KNL1: variants seen among roughly 807,000 people sequenced by gnomAD.
KNL1 encodes kinetochore scaffold 1.
In KNL1, 66 loss-of-function variants were observed where a neutral mutation model predicts 201.3. That is an observed-to-expected ratio of 0.33 (90% CI 0.27 to 0.40). KNL1 has a LOEUF of 0.40. KNL1 is among the 10% of genes least tolerant of loss of function. The pLI is 1.00. For missense variants in KNL1, 2,815 were observed against 2,690.5 expected (o/e 1.05, Z -1.02); for synonymous variants, 895 against 899.2 (o/e 1.00, Z 0.08).
chr15:40,625,730 A>G lies in KNL1; in HGVS notation c.5376+90A>G, dbSNP rs773890908. The G allele has an allele frequency of 3.2e-6, 3 of 937,312 alleles. No individual in the cohort carries two copies. The African/African-American group carries it at 5.0e-5, about 16-fold the overall frequency. The allele number at this position is 937,312 out of a possible 1,614,324, so 58.1% of individuals were successfully genotyped here. A position where few individuals can be genotyped will look rare whatever the true frequency, so the allele number is the denominator to read the frequency against. ...GTGGGTATTCTCAAATTTTAATCTTAGTCTCGGGTAGGCAGAAAATAATTA... is the reference window on the plus strand; with the variant it reads ...GTGGGTATTCTCAAATTTTAATCTTGGTCTCGGGTAGGCAGAAAATAATTA... On this transcript the variant is annotated intron_variant, in intron 10 of 25. Coordinates refer to ENST00000399668, the MANE Select transcript of KNL1 (RefSeq NM_144508.5).
intron 5 of KNL1, among the ~76,000 whole-genome samples, 181 bp from the exon 6 acceptor site, chr15:40,610,064 A>G (rs1234454248): frequency 6.6e-6 from 1 of 152,164 alleles, no homozygotes; most frequent in Non-Finnish European, 1.5e-5. Context: ...ACAAAACTAT[A>G]GCAGATTTTA....
At chr15:40,651,612 G>A in intron 20 of KNL1, 40 bp downstream of exon 20, 1 of 1,401,094 alleles carries the variant, frequency 7.1e-7, no homozygotes, top group Non-Finnish European at 9.9e-7. Context: ...GTTTTATTCT[G>A]TACCTTGTGG....
Position 40,621,180 on chromosome 15 carries a change from T to A in KNL1, c.916T>A (p.Ser306Thr). The A allele has an allele frequency of 6.2e-7, 1 of 1,612,996 alleles. No homozygotes were observed. Among genetic ancestry groups the A allele is most frequent in the Non-Finnish European group, 8.5e-7 (1 of 1,179,348 alleles). ...ATCCAGTGAGACCAACTCACGGGAA[T>A]CTAAAGGTAATGATATTACAATTTA... ...PTSSETNSRE[S>T]KGNDITIYGN... is the part of the protein sequence containing the mutation. Residue 306 changes from serine (S) to threonine (T), a missense_variant, in exon 10 of 26, where the codon TCT becomes ACT. Transcript: ENST00000399668.
rs1567025526 is a variant in KNL1, at chr15:40,662,192, C to G, written c.*4C>G. 1.4e-6 allele frequency: 2 copies of G among 1,476,660 alleles called. No individual in the cohort carries two copies. The highest frequency in any genetic ancestry group is 1.4e-5 in the African/African-American group (1 of 72,232). The allele number at this position is 1,476,660 out of a possible 1,614,324, so 91.5% of individuals were successfully genotyped here. ...GGACTGCCATTTCTACCACTAGACCCTTGGACCACCATTGGAACAACCAAG... is the reference window on the plus strand; with the variant it reads ...GGACTGCCATTTCTACCACTAGACCGTTGGACCACCATTGGAACAACCAAG... On this transcript the variant is annotated 3_prime_UTR_variant, in exon 26 of 26. Transcript: ENST00000399668.
rs546904003 is a variant in KNL1 at position 40,664,013 on chromosome 15, A to T, written c.*1825A>T. ...CTGTTCCGTAAACTCCTTGAAAAAC[A>T]TTTTAAAGTCATCAATATGATCTGT... On this transcript the variant is annotated 3_prime_UTR_variant, in exon 26 of 26. Coordinates refer to ENST00000399668, the MANE Select transcript of KNL1 (RefSeq NM_144508.5). The T allele has an allele frequency of 5.4e-6, 1 of 185,166 alleles. No homozygotes were observed. The highest frequency in any genetic ancestry group is 6.2e-5 in the Admixed American group (1 of 16,042). 11.5% of individuals were successfully genotyped at this position (185,166 alleles called of 1,614,324 possible).
intron 1 of KNL1, among the ~76,000 whole-genome samples, chr15:40,600,125 G>T (rs551042464): frequency 6.8e-6 from 1 of 146,746 alleles, no homozygotes; most frequent in East Asian, 2.0e-4. Context: ...GCCCAGGTTG[G>T]AGTGCAGTGG....
Position 40,594,958 on chromosome 15 carries a change from T to C in KNL1, c.-18+566T>C, listed in dbSNP as rs141191748. 3.7e-3 allele frequency among the ~76,000 whole-genome samples: 567 copies of C among 152,366 alleles called. 1 individual carries two copies. The highest frequency in any genetic ancestry group is 0.014 in the Middle Eastern group (4 of 294). The stretch of plus-strand genomic sequence containing the variant: ...AATATTAGTACTGCGCAAATTAGTT[T>C]TTAAAAATCCTCTTCTGTTCATTAT... On this transcript the variant is annotated intron_variant, in intron 1 of 25. Transcript: ENST00000399668.
chr15:40,642,401 CAA>C (rs200665424), intron 14 of KNL1, among the ~76,000 whole-genome samples: 23 of 106,182 alleles, frequency 2.2e-4, no homozygotes, highest in Admixed American at 3.0e-4. Flanking sequence ...GACTCTGTCT[CAA>C]AAAAAAAAAA....
chr15:40,647,000 A>G lies in KNL1; in HGVS notation c.6020A>G (p.Lys2007Arg). The G allele has an allele frequency of 1.4e-6, 2 of 1,452,658 alleles. No homozygotes were observed. Among genetic ancestry groups the G allele is most frequent in the African/African-American group, 1.4e-5 (1 of 71,782 alleles). 90.0% of individuals were successfully genotyped at this position (1,452,658 alleles called of 1,614,324 possible). A position where few individuals can be genotyped will look rare whatever the true frequency, so the allele number is the denominator to read the frequency against. ...TTTTGTATTTAGAATGAGAGGGAGA[A>G]ACTTCAAATAAAGATAGATGAGATG... Reference protein sequence around the residue: ...LVQSAQNEREKLQIKIDEMDK... With the variant: ...LVQSAQNERERLQIKIDEMDK... Residue 2007 changes from lysine to arginine, a missense_variant, in exon 17 of 26, where the codon AAA becomes AGA. Transcript: ENST00000399668.
chr15:40,612,122 C>G (rs1892184090), intron 7 of KNL1, among the ~76,000 whole-genome samples: 1 of 152,040 alleles, frequency 6.6e-6, no homozygotes, highest in Non-Finnish European at 1.5e-5. Context: ...TCGAGACCAT[C>G]CTGGCCAACG....
Position 40,662,254 on chromosome 15 carries a change from T to C in KNL1, c.*66T>C. 2 of 889,508 alleles carry C rather than the reference T, an allele frequency of 2.2e-6. No homozygotes were observed. Among genetic ancestry groups the C allele is most frequent in the South Asian group, 2.8e-5 (2 of 70,212 alleles). 55.1% of individuals were successfully genotyped at this position (889,508 alleles called of 1,614,324 possible). ...TGATATTATTTCAGGGTCCCATTGC[T>C]GTTCAGCCTTTGTTTTTACGTCATT... is the stretch of plus-strand genomic sequence containing the variant. On this transcript the variant is annotated 3_prime_UTR_variant, in exon 26 of 26. Coordinates refer to ENST00000399668, the MANE Select transcript of KNL1 (RefSeq NM_144508.5).
At chr15:40,660,394 C>T (rs920053499) in intron 25 of KNL1, among the ~76,000 whole-genome samples, 3 of 151,924 alleles carry the variant, frequency 2.0e-5, no homozygotes, top group Admixed American at 6.6e-5. Context: ...CAGCCGGGCA[C>T]AGTTGCTCAC....
chr15:40,602,314 T>A (rs1450478994), intron 1 of KNL1, among the ~76,000 whole-genome samples: 1 of 150,580 alleles, frequency 6.6e-6, no homozygotes, highest in Non-Finnish European at 1.5e-5. Context: ...TTTTTTTTTT[T>A]TTCAGTAGAG....
intron 8 of KNL1, chr15:40,615,805 T>C (rs1052937609): frequency 6.6e-6 from 1 of 151,344 alleles, no homozygotes; most frequent in African/African-American, 2.4e-5. Flanking sequence ...TTGCTCTTAT[T>C]GCCCAGGCTA....
chr15:40,605,019 T>A, intron 2 of KNL1, 91 bp from the exon 3 acceptor site: 1 of 706,180 alleles, frequency 1.4e-6, no homozygotes, highest in Non-Finnish European at 2.6e-6. Flanking sequence ...TGATGACCAG[T>A]TTGAAAGCAT....
chr15:40,595,370 T>TA (rs776614792), intron 1 of KNL1, among the ~76,000 whole-genome samples: 10 of 152,172 alleles, frequency 6.6e-5, no homozygotes, highest in Admixed American at 1.3e-4. Flanking sequence ...ATGCTTTTGG[T>TA]GATGGATTTG....
chr15:40,614,568 A>T (rs986014566), intron 7 of KNL1, among the ~76,000 whole-genome samples: 1 of 152,166 alleles, frequency 6.6e-6, no homozygotes, highest in East Asian at 1.9e-4. Context: ...CTCCTTACAG[A>T]TAACCACTGT....
At chr15:40,635,439 C>A (rs888361931) in intron 13 of KNL1, among the ~76,000 whole-genome samples, 1 of 151,940 alleles carries the variant, frequency 6.6e-6, no homozygotes, top group African/African-American at 2.4e-5. Flanking sequence ...ACCGCAACCT[C>A]CGCCTCCCAG....
At chr15:40,598,847 A>G (rs1351172129) in intron 1 of KNL1, among the ~76,000 whole-genome samples, 1 of 152,146 alleles carries the variant, frequency 6.6e-6, no homozygotes, top group African/African-American at 2.4e-5. Context: ...TCTGTTGCCC[A>G]GGCTGGAGTC....
Sources: allele counts gnomAD v4.1 joint callset (sites outside exome capture counted in the v4.1 genomes callset), GRCh38; gene constraint gnomAD v4.1.1; transcripts MANE v1.5; gene names NCBI Gene and HGNC (gene_info 2026-07-23, HGNC 2026-07-21).